The following ZFAND2A variants were observed in gnomAD, a reference collection of about 807,000 sequenced individuals.
ZFAND2A encodes zinc finger AN1-type containing 2A.
In ZFAND2A, 20 loss-of-function variants were observed where a neutral mutation model predicts 11.6. The observed-to-expected ratio is 1.72, with a 90% CI of 1.21 to 2.50. ZFAND2A has a LOEUF of 2.50. ZFAND2A is among the 30% of genes most tolerant of loss of function. The pLI is 0.00. For synonymous variants in ZFAND2A, 93 were observed against 60.6 expected, an observed-to-expected ratio of 1.54 and a Z score of -2.48; for missense variants, 234 against 182.9, an observed-to-expected ratio of 1.28 and a Z score of -1.61.
rs1793440250 is a variant in ZFAND2A, at chr7:1,153,217, G to A, written c.290C>T (p.Thr97Ile). ...GCAGCCCTCTTTTGAGCAACGGTAT[G>A]TAAAAATCTAAGAGAGCAAAGTGAC... The part of the protein sequence containing the change: ...HPGKKKEKIF[T>I]YRCSKEGCKK... Residue 97 changes from threonine to isoleucine, a missense_variant, in exon 5 of 5, where the codon ACA becomes ATA. Thr to Ile is a moderately conservative substitution (Grantham distance 89). Transcript: ENST00000316495. The A allele has an allele frequency of 1.9e-6, 3 of 1,612,384 alleles. No homozygotes were observed. The highest frequency in any genetic ancestry group is 1.7e-5 in the Admixed American group (1 of 59,970).
rs1440723561 is a variant in ZFAND2A at position 1,159,869 on chromosome 7, G to A, written c.-46+95C>T. 12 of 45,720 alleles carry A rather than the reference G, an allele frequency of 2.6e-4. 2 individuals are homozygous for A. Among genetic ancestry groups the A allele is most frequent in the Non-Finnish European group, 3.8e-4 (7 of 18,258 alleles). The allele number at this position is 45,720 out of a possible 1,614,324, so 2.8% of individuals were successfully genotyped here. On this transcript the variant is annotated intron_variant, in intron 1 of 4. Transcript: ENST00000316495. The stretch of plus-strand genomic sequence containing the variant: ...GCAAGCAGCCGGACTTTCAGCAGCC[G>A]CACTCCTAGCAGACAGGCCGAACCC...
intron 3 of ZFAND2A, among the ~76,000 whole-genome samples, chr7:1,156,030 C>T (rs899437658): frequency 2.6e-5 from 4 of 152,266 alleles, no homozygotes; most frequent in Non-Finnish European, 5.9e-5. Flanking sequence ...GATGAGGCCA[C>T]GTGTACCTAG....
intron 1 of ZFAND2A, among the ~76,000 whole-genome samples, chr7:1,159,127 C>T (rs1005671878): frequency 3.3e-5 from 5 of 152,326 alleles, no homozygotes; most frequent in Middle Eastern, 3.4e-3. Context: ...TTAAGGTGCC[C>T]ATTAGTCCTT....
chr7:1,154,482 A>C (rs977733951), intron 4 of ZFAND2A, among the ~76,000 whole-genome samples: 1 of 152,198 alleles, frequency 6.6e-6, no homozygotes. Flanking sequence ...GTGAGCCCCC[A>C]GCAAGGGAAG....
downstream of ZFAND2A, chr7:1,152,476 T>C (rs1016667269): frequency 3.6e-6 from 4 of 1,113,400 alleles, no homozygotes; most frequent in Admixed American, 3.0e-5. Context: ...GGTGCAACAG[T>C]TGAGGCAAAT....
intron 3 of ZFAND2A, 135 bp downstream of exon 3, chr7:1,157,521 G>A: frequency 3.6e-6 from 3 of 843,924 alleles, no homozygotes; most frequent in Non-Finnish European, 5.5e-6. Context: ...AACGAGGCTA[G>A]TGGGACTGAA....
chr7:1,150,869 G>C (rs1041696847), downstream of ZFAND2A, among the ~76,000 whole-genome samples: 1 of 150,760 alleles, frequency 6.6e-6, no homozygotes, highest in Non-Finnish European at 1.5e-5. Context: ...CGGGCTTGCT[G>C]GCTGCTGACA....
chr7:1,157,689 G>C lies in ZFAND2A; in HGVS notation c.117C>G (p.Tyr39Ter). 2 of 1,568,404 alleles carry C rather than the reference G, an allele frequency of 1.3e-6. No homozygotes were observed. Among genetic ancestry groups the C allele is most frequent in the Non-Finnish European group, 8.6e-7 (1 of 1,162,802 alleles). The change falls in exon 3 of 5, where the codon TAC (tyrosine) becomes TAG (stop). Residue 39 changes from tyrosine to a stop codon, truncating the protein, a stop_gained. Coordinates refer to ENST00000316495, the MANE Select transcript of ZFAND2A (RefSeq NM_182491.4). LOFTEE classifies it high-confidence loss of function. ...KQDFCKDHFP[Y>*]AAHKCPFAFQ... The stretch of plus-strand genomic sequence containing the variant: ...ATGCAAACGGACACTTATGTGCAGC[G>C]TATGGAAAATGATCTTTACAGAAAT...
chr7:1,154,934 A>G (rs1040111501), intron 4 of ZFAND2A, among the ~76,000 whole-genome samples: 1 of 152,134 alleles, frequency 6.6e-6, no homozygotes, highest in African/African-American at 2.4e-5. Flanking sequence ...CCCGGCCAAC[A>G]TAGTGAAACC....
At chr7:1,149,151 T>A (rs1226733292), downstream of ZFAND2A, among the ~76,000 whole-genome samples, 1 of 152,150 alleles carries the variant, frequency 6.6e-6, no homozygotes, top group African/African-American at 2.4e-5. Flanking sequence ...CTCAAGACTT[T>A]AAAAATTAAA....
downstream of ZFAND2A, among the ~76,000 whole-genome samples, chr7:1,151,898 G>A (rs1289375977): frequency 1.3e-5 from 2 of 151,966 alleles, no homozygotes; most frequent in South Asian, 4.1e-4. Context: ...TAACCCACAC[G>A]GCAGTGCAAA....
intron 1 of ZFAND2A, 47 bp from the exon 2 acceptor site, chr7:1,158,304 A>T: frequency 8.7e-7 from 1 of 1,144,504 alleles, no homozygotes; most frequent in Non-Finnish European, 1.3e-6. Context: ...ACTGCCCTTC[A>T]GTCACCAGGA....
chr7:1,158,633 A>C (rs1793591063), intron 1 of ZFAND2A, among the ~76,000 whole-genome samples: 1 of 152,202 alleles, frequency 6.6e-6, no homozygotes, highest in Non-Finnish European at 1.5e-5. Flanking sequence ...CTAGGTGCTA[A>C]ATCACATCAG....
chr7:1,149,363 T>C (rs574254845), downstream of ZFAND2A, among the ~76,000 whole-genome samples: 13 of 152,280 alleles, frequency 8.5e-5, no homozygotes, highest in South Asian at 2.7e-3. Context: ...CTTGTCCAAG[T>C]GCAGTCCCAG....
chr7:1,151,000 GC>G (rs1433955514), downstream of ZFAND2A, among the ~76,000 whole-genome samples: 1 of 150,680 alleles, frequency 6.6e-6, no homozygotes, highest in African/African-American at 2.5e-5. Flanking sequence ...TGATTCTCCT[GC>G]CTCAGCCTCC....
downstream of ZFAND2A, chr7:1,152,241 T>C (rs754568073): frequency 2.6e-6 from 4 of 1,566,424 alleles, no homozygotes; most frequent in Non-Finnish European, 3.5e-6. Flanking sequence ...TGCGTTCACA[T>C]GAGCCGGGTG....
At chr7:1,154,361 G>A (rs537137476) in intron 4 of ZFAND2A, among the ~76,000 whole-genome samples, 57 of 152,146 alleles carry the variant, frequency 3.7e-4, no homozygotes, top group Non-Finnish European at 6.5e-4. Flanking sequence ...GGAGGGACCC[G>A]TGCAGGGATG....
chr7:1,150,141 A>G (rs1344134652), downstream of ZFAND2A, among the ~76,000 whole-genome samples: 3 of 151,614 alleles, frequency 2.0e-5, no homozygotes, highest in African/African-American at 7.3e-5. Context: ...TAAAAGCAAA[A>G]AAGTTTGTCA....
downstream of ZFAND2A, chr7:1,152,300 A>C: frequency 6.3e-7 from 1 of 1,585,032 alleles, no homozygotes; most frequent in African/African-American, 1.3e-5. Context: ...CAGGGTGAGG[A>C]AATCTCCCAA....
Sources: allele counts gnomAD v4.1 joint callset (sites outside exome capture counted in the v4.1 genomes callset), GRCh38; gene constraint gnomAD v4.1.1; transcripts MANE v1.5; gene names NCBI Gene and HGNC (gene_info 2026-07-23, HGNC 2026-07-21).